AIG1: variants seen among roughly 807,000 people sequenced by gnomAD.
AIG1 encodes the protein androgen-induced gene 1 protein.
Under a neutral mutation model 31.4 loss-of-function variants are expected in AIG1, and 23 were observed. The ratio of observed to expected loss-of-function variants is 0.73; its 90% CI spans 0.53 to 1.04. The LOEUF is 1.04. AIG1 is among the 50% of genes least tolerant of loss of function. AIG1 has a pLI of 0.00. For synonymous variants in AIG1, 100 were observed against 110.5 expected (o/e 0.90, Z 0.60); for missense variants, 274 against 295.0 (o/e 0.93, Z 0.52).
At chr6:143,234,137 G>A (rs1312299470) in intron 3 of AIG1, among the ~76,000 whole-genome samples, 2 of 152,308 alleles carry the variant, frequency 1.3e-5, no homozygotes, top group African/African-American at 4.8e-5. Flanking sequence ...ATCTAGGTCG[G>A]GGGTTGGTGG....
chr6:143,194,005 G>A (rs1239465371), intron 3 of AIG1, among the ~76,000 whole-genome samples: 2 of 152,232 alleles, frequency 1.3e-5, no homozygotes, highest in Non-Finnish European at 2.9e-5. Context: ...ATTGCTTTAA[G>A]TATAATCAGT....
chr6:143,191,258 C>G (rs534269588), intron 3 of AIG1, among the ~76,000 whole-genome samples: 1 of 152,140 alleles, frequency 6.6e-6, no homozygotes, highest in East Asian at 1.9e-4. Context: ...ATACTGGCAT[C>G]ATCTCAAGAT....
chr6:143,169,764 A>T (rs1787315518), intron 3 of AIG1, among the ~76,000 whole-genome samples: 1 of 152,142 alleles, frequency 6.6e-6, no homozygotes, highest in Non-Finnish European at 1.5e-5. Flanking sequence ...CCTTTATTGT[A>T]TTAAGGTATA....
chr6:143,204,341 T>G (rs907955104), intron 3 of AIG1, among the ~76,000 whole-genome samples: 7 of 152,146 alleles, frequency 4.6e-5, no homozygotes, highest in Non-Finnish European at 7.3e-5. Context: ...CAGCTAGAAC[T>G]GTTGACCAGA....
chr6:143,060,695 C>T (rs1428739393), upstream of AIG1: 1 of 446,058 alleles, frequency 2.2e-6, no homozygotes, highest in Non-Finnish European at 4.6e-6. Context: ...CAGGCCGCGG[C>T]CGGCAGTGGA....
At chr6:143,123,922 TG>T (rs1782446365) in intron 1 of AIG1, among the ~76,000 whole-genome samples, 1 of 152,252 alleles carries the variant, frequency 6.6e-6, no homozygotes. Flanking sequence ...TAGGTTTTCC[TG>T]ATCTACTTTC....
At chr6:143,135,114 G>A (rs1182892926) in intron 1 of AIG1, among the ~76,000 whole-genome samples, 6 of 152,028 alleles carry the variant, frequency 3.9e-5, no homozygotes, top group Non-Finnish European at 8.8e-5. Context: ...TGTAACACTT[G>A]GTATTGTAAG....
intron 3 of AIG1, among the ~76,000 whole-genome samples, chr6:143,176,699 A>G (rs1259424087): frequency 6.6e-6 from 1 of 152,130 alleles, no homozygotes; most frequent in Non-Finnish European, 1.5e-5. Flanking sequence ...TCTCGCTCCC[A>G]CCTCCCACCA....
At chr6:143,151,650 T>A (rs1583336724) in intron 2 of AIG1, among the ~76,000 whole-genome samples, 1 of 152,198 alleles carries the variant, frequency 6.6e-6, no homozygotes, top group African/African-American at 2.4e-5. Flanking sequence ...TTTGAGATAA[T>A]CCTTCTCTCA....
At chr6:143,168,504 G>A (rs867692786) in intron 3 of AIG1, among the ~76,000 whole-genome samples, 8 of 150,000 alleles carry the variant, frequency 5.3e-5, no homozygotes, top group Non-Finnish European at 7.4e-5. Flanking sequence ...GAGAACATGC[G>A]GTGTTTGGTT....
chr6:143,226,331 C>T (rs1432691966), intron 3 of AIG1, among the ~76,000 whole-genome samples: 1 of 151,592 alleles, frequency 6.6e-6, no homozygotes, highest in Non-Finnish European at 1.5e-5. Context: ...ACTTCTGCCT[C>T]CAGGGTTCAA....
At chr6:143,202,547 A>G (rs1469137394) in intron 3 of AIG1, among the ~76,000 whole-genome samples, 1 of 152,232 alleles carries the variant, frequency 6.6e-6, no homozygotes, top group African/African-American at 2.4e-5. Flanking sequence ...CAATTCTCAC[A>G]TCAACAGTAG....
At position 143,269,845 on chromosome 6, in the gene AIG1, G is replaced by A. The variant is rs541747380; in HGVS notation, c.400-14265G>A. ...TCACTGTGACAAGAAGAAGTCTGAA[G>A]GGGATATTCTGGAAGGCTTTCGAAG... On this transcript the variant is annotated intron_variant, in intron 3 of 5. Transcript: ENST00000357847. Among the ~76,000 whole-genome samples the A allele has an allele frequency of 3.9e-5, 6 of 152,342 alleles. No homozygotes were observed. The South Asian group carries it at 1.0e-3, about 26-fold the overall frequency.
chr6:143,316,580 A>T (rs1245711504), intron 4 of AIG1, among the ~76,000 whole-genome samples: 3 of 152,042 alleles, frequency 2.0e-5, no homozygotes, highest in African/African-American at 7.2e-5. Flanking sequence ...ATCTAAGACC[A>T]CACCTCAAAG....
chr6:143,303,701 C>T (rs1287437316), intron 4 of AIG1, among the ~76,000 whole-genome samples: 18 of 100,820 alleles, frequency 1.8e-4, no homozygotes, highest in Admixed American at 1.6e-3. Flanking sequence ...ATTGACTTGG[C>T]GATGCGGGCT....
intron 4 of AIG1, among the ~76,000 whole-genome samples, chr6:143,318,685 AC>A (rs1167881682): frequency 6.6e-6 from 1 of 152,186 alleles, no homozygotes; most frequent in African/African-American, 2.4e-5. Context: ...AGCAGAGTAA[AC>A]AGACAACCCA....
chr6:143,229,804 A>AAG (rs1793306703), intron 3 of AIG1, among the ~76,000 whole-genome samples: 1 of 151,012 alleles, frequency 6.6e-6, no homozygotes, highest in South Asian at 2.1e-4. Flanking sequence ...AAAAAAAAAA[A>AAG]GGATCTTTGA....
chr6:143,267,201 G>A lies in AIG1; in HGVS notation c.400-16909G>A, dbSNP rs1796216345. Among the ~76,000 whole-genome samples, 3 of 152,188 alleles carry A rather than the reference G, an allele frequency of 2.0e-5. No individual in the cohort carries two copies. The South Asian group carries it at 6.2e-4, about 32-fold the overall frequency. ...CCACTGAGGATCAGATCCCAGGTGA[G>A]TTGAGGGCAGAGGAAAGGGTCCTCT... On this transcript the variant is annotated intron_variant, in intron 3 of 5. Coordinates refer to ENST00000357847, the MANE Select transcript of AIG1 (RefSeq NM_016108.4).
At chr6:143,208,762 T>G (rs914712423) in intron 3 of AIG1, among the ~76,000 whole-genome samples, 4 of 151,986 alleles carry the variant, frequency 2.6e-5, no homozygotes, top group Admixed American at 2.6e-4. Flanking sequence ...TTAGATATTT[T>G]CCCCCCAGCT....
Sources: gnomAD v4.1 joint callset for allele counts (sites outside exome capture counted in the v4.1 genomes callset) on GRCh38, gnomAD v4.1.1 for gene constraint, MANE v1.5 for transcripts, NCBI Gene and HGNC (gene_info 2026-07-23, HGNC 2026-07-21) for gene names.